The following CHRM3 variants were observed in gnomAD, a reference collection of about 807,000 sequenced individuals.
CHRM3 encodes the protein cholinergic receptor muscarinic 3, also known as muscarinic acetylcholine receptor M3.
A neutral mutation model predicts 41.8 loss-of-function variants in CHRM3; 11 were observed. The ratio of observed to expected loss-of-function variants is 0.26; its 90% CI spans 0.17 to 0.44. The LOEUF (loss-of-function observed/expected upper bound fraction) is 0.44, where lower values mean the gene tolerates loss of function less well. Ranked by LOEUF, CHRM3 falls within the 20% of genes least tolerant of loss-of-function variation. The pLI is 1.00. For synonymous variants in CHRM3, 297 were observed against 301.4 expected, an observed-to-expected ratio of 0.99 and a Z score of 0.15; for missense variants, 571 against 745.4, an observed-to-expected ratio of 0.77 and a Z score of 2.72.
intron 2 of CHRM3, among the ~76,000 whole-genome samples, chr1:239,540,288 A>G (rs1292069312): frequency 1.3e-5 from 2 of 152,350 alleles, no homozygotes; most frequent in African/African-American, 4.8e-5. Flanking sequence ...CATAATGTGT[A>G]GATTGCTTAT....
intron 1 of CHRM3, among the ~76,000 whole-genome samples, chr1:239,481,341 A>G (rs1478720895): frequency 1.3e-5 from 2 of 152,108 alleles, no homozygotes; most frequent in African/African-American, 2.4e-5. Context: ...TGAGTTAGGG[A>G]TTTTTTACTG....
chr1:239,677,575 G>A (rs191775067), intron 4 of CHRM3, among the ~76,000 whole-genome samples: 190 of 152,312 alleles, frequency 1.2e-3, no homozygotes, highest in African/African-American at 4.4e-3. Context: ...GCAGAATGCT[G>A]TGTCTTCACA....
intron 6 of CHRM3, among the ~76,000 whole-genome samples, chr1:239,852,913 C>T (rs909517682): frequency 2.6e-5 from 4 of 152,098 alleles, no homozygotes; most frequent in South Asian, 4.1e-4. Context: ...CTTTTGTTTA[C>T]GTCTTTGTTT....
At chr1:239,814,819 G>C (rs142111391) in intron 5 of CHRM3, among the ~76,000 whole-genome samples, 1 of 152,050 alleles carries the variant, frequency 6.6e-6, no homozygotes, top group Non-Finnish European at 1.5e-5. Context: ...GTCTTTCTCT[G>C]TCGCCCAGAC....
chr1:239,552,864 G>A (rs1050054545), intron 3 of CHRM3, among the ~76,000 whole-genome samples: 3 of 151,824 alleles, frequency 2.0e-5, no homozygotes, highest in Non-Finnish European at 4.4e-5. Context: ...ATACCTTTAT[G>A]AGTCTCCATT....
chr1:239,583,446 A>G (rs1663098007), intron 3 of CHRM3, among the ~76,000 whole-genome samples: 1 of 152,324 alleles, frequency 6.6e-6, no homozygotes, highest in African/African-American at 2.4e-5. Context: ...TGAGAGCTAT[A>G]AGGCACAATC....
At chr1:239,794,528 C>T (rs1572318364) in intron 5 of CHRM3, among the ~76,000 whole-genome samples, 5 of 151,942 alleles carry the variant, frequency 3.3e-5, no homozygotes, top group African/African-American at 1.2e-4. Context: ...GAATGGTAAC[C>T]AGGAAACTGT....
At chr1:239,813,698 A>G (rs918014254) in intron 5 of CHRM3, among the ~76,000 whole-genome samples, 1 of 145,252 alleles carries the variant, frequency 6.9e-6, no homozygotes, top group African/African-American at 2.6e-5. Context: ...CGGGCGGATC[A>G]CGAGGTCAGG....
chr1:239,869,861 G>A (rs1676429178), intron 6 of CHRM3, among the ~76,000 whole-genome samples: 1 of 152,084 alleles, frequency 6.6e-6, no homozygotes, highest in South Asian at 2.1e-4. Context: ...CTGATAGAGT[G>A]GCATAGAGTG....
At chr1:239,762,981 T>A (rs1357676001) in intron 5 of CHRM3, among the ~76,000 whole-genome samples, 3 of 152,214 alleles carry the variant, frequency 2.0e-5, no homozygotes, top group African/African-American at 4.8e-5. Context: ...AAAACTATTA[T>A]AAAATTCTGT....
chr1:239,549,008 T>C (rs939625088), intron 3 of CHRM3, among the ~76,000 whole-genome samples: 3 of 152,122 alleles, frequency 2.0e-5, no homozygotes, highest in Admixed American at 2.0e-4. Context: ...CTCACAATCA[T>C]GGTGGAAAGC....
At chr1:239,864,092 A>C (rs1191585377) in intron 6 of CHRM3, among the ~76,000 whole-genome samples, 1 of 152,040 alleles carries the variant, frequency 6.6e-6, no homozygotes, top group African/African-American at 2.4e-5. Flanking sequence ...AAAAAAAAAA[A>C]AACTCAGTTG....
chr1:239,435,651 TA>T (rs1169451223), intron 1 of CHRM3, among the ~76,000 whole-genome samples: 1 of 151,718 alleles, frequency 6.6e-6, no homozygotes, highest in South Asian at 2.1e-4. Context: ...TGTCCATACT[TA>T]AAAAAAAGTG....
intron 6 of CHRM3, among the ~76,000 whole-genome samples, chr1:239,838,528 T>C (rs1673517503): frequency 6.6e-6 from 1 of 152,230 alleles, no homozygotes; most frequent in African/African-American, 2.4e-5. Flanking sequence ...AAAATTGCCA[T>C]GCCATATTTT....
chr1:239,567,145 C>G (rs1661428407), intron 3 of CHRM3, among the ~76,000 whole-genome samples: 1 of 152,056 alleles, frequency 6.6e-6, no homozygotes, highest in Admixed American at 6.6e-5. Context: ...CTGTTATGGG[C>G]TGTTTAACCT....
intron 5 of CHRM3, among the ~76,000 whole-genome samples, chr1:239,687,626 TA>T (rs1558455034): frequency 1.3e-5 from 2 of 152,070 alleles, no homozygotes; most frequent in African/African-American, 4.8e-5. Context: ...GTTAAGAAAA[TA>T]TTCATTAGAG....
rs1392285405 is a variant in CHRM3 at position 239,502,848 on chromosome 1, A to G, written c.-422+10041A>G. 2.0e-5 allele frequency among the ~76,000 whole-genome samples: 3 copies of G among 152,226 alleles called. No individual in the cohort carries two copies. The East Asian group carries it at 5.8e-4, about 29-fold the overall frequency. ...AATAGTTGCAGAAAAAGCATTTGAC[A>G]AAATCCAGCTTCCCTTTATGATTAA... On this transcript the variant is annotated intron_variant, in intron 2 of 6. Coordinates refer to ENST00000676153, the MANE Select transcript of CHRM3 (RefSeq NM_001375978.1).
At chr1:239,604,460 A>G (rs1028376394) in intron 3 of CHRM3, among the ~76,000 whole-genome samples, 1 of 152,312 alleles carries the variant, frequency 6.6e-6, no homozygotes, top group African/African-American at 2.4e-5. Context: ...GACTGAAATT[A>G]TTGAGAAATG....
chr1:239,809,690 G>T (rs1356664272), intron 5 of CHRM3, among the ~76,000 whole-genome samples: 4 of 151,712 alleles, frequency 2.6e-5, no homozygotes, highest in Admixed American at 6.6e-5. Flanking sequence ...GTACAGACAG[G>T]GTCTCCCTAT....
Sources: gnomAD v4.1 joint callset for allele counts (sites outside exome capture counted in the v4.1 genomes callset) on GRCh38, gnomAD v4.1.1 for gene constraint, MANE v1.5 for transcripts, NCBI Gene and HGNC (gene_info 2026-07-23, HGNC 2026-07-21) for gene names.